The following LEF1 variants were observed in gnomAD, a reference collection of about 807,000 sequenced individuals.
LEF1 encodes the protein lymphoid enhancer binding factor 1.
Under a neutral mutation model 51.2 loss-of-function variants are expected in LEF1, and 14 were observed. That is an observed-to-expected ratio of 0.27 (90% confidence interval 0.18 to 0.43). The LOEUF is 0.43. Among genes scored for constraint, LEF1 ranks in the 20% least tolerant of loss-of-function variants. The pLI, the probability that LEF1 is intolerant of heterozygous loss-of-function variation, is 1.00. For synonymous variants in LEF1, 185 were observed against 183.2 expected, an observed-to-expected ratio of 1.01 and a Z score of -0.08; for missense variants, 386 against 512.0, an observed-to-expected ratio of 0.75 and a Z score of 2.37.
intron 8 of LEF1, chr4:108,071,853 C>G (rs1170446663): frequency 6.6e-6 from 1 of 152,494 alleles, no homozygotes; most frequent in Non-Finnish European, 1.5e-5. Context: ...CTCACCTGAG[C>G]ACATACACAT....
rs756658779 is a variant in LEF1, at chr4:108,167,644, T to G, written c.124A>C (p.Ser42Arg). Reference protein sequence around the residue: ...PQKEKIFAEISHPEEEGDLAD... With the variant: ...PQKEKIFAEIRHPEEEGDLAD... ...AAATCGCCTTCCTCTTCGGGATGAC[T>G]GATCTCGGCGAAGATCTTTTCCTTC... Residue 42 changes from serine to arginine, a missense_variant, in exon 1 of 12, where the codon AGT (serine) becomes CGT (arginine). Around this residue, in one of 2 missense-constraint regions of LEF1, gnomAD observed 335 missense variants for 390.7 expected, o/e 0.86. Coordinates refer to ENST00000265165, the MANE Select transcript of LEF1 (RefSeq NM_016269.5). This position sits in a 1 kb window ranked among gnomAD's most constrained non-coding sequence, Gnocchi z 5.7. 3 of 1,614,242 alleles carry G rather than the reference T, an allele frequency of 1.9e-6. No homozygotes were observed. The South Asian group carries it at 3.3e-5, about 18-fold the overall frequency.
chr4:108,113,475 C>G (rs1294733648), intron 3 of LEF1, among the ~76,000 whole-genome samples: 1 of 152,092 alleles, frequency 6.6e-6, no homozygotes. Flanking sequence ...AAACGGGGAC[C>G]AAAGTTAGGG....
intron 9 of LEF1, among the ~76,000 whole-genome samples, chr4:108,067,790 A>C (rs1056700088): frequency 2.6e-5 from 4 of 151,958 alleles, no homozygotes; most frequent in African/African-American, 9.7e-5. Flanking sequence ...TCAGCCTTCC[A>C]AAGTGCTAGG....
chr4:108,075,693 A>G (rs1738809779), intron 8 of LEF1, among the ~76,000 whole-genome samples: 1 of 152,238 alleles, frequency 6.6e-6, no homozygotes, highest in Non-Finnish European at 1.5e-5. Flanking sequence ...AGTACTTGGA[A>G]GGACTGACTA....
At chr4:108,163,440 T>C (rs776820973) in intron 3 of LEF1, 128 bp downstream of exon 3, 15 of 1,003,388 alleles carry the variant, frequency 1.5e-5, no homozygotes, top group Non-Finnish European at 2.2e-5. Flanking sequence ...ATAACAGCTC[T>C]TATTTAGCAA....
intron 3 of LEF1, among the ~76,000 whole-genome samples, chr4:108,101,038 T>C (rs1297170329): frequency 6.6e-6 from 1 of 152,176 alleles, no homozygotes; most frequent in East Asian, 1.9e-4. Flanking sequence ...TCTGTCTGGT[T>C]CCTTGCCTTG....
At chr4:108,105,310 A>G (rs1741094299) in intron 3 of LEF1, among the ~76,000 whole-genome samples, 1 of 151,350 alleles carries the variant, frequency 6.6e-6, no homozygotes, top group African/African-American at 2.4e-5. Flanking sequence ...CCTCCTGAGT[A>G]GCTGGGACTA....
chr4:108,079,773 T>G (rs59589123), intron 6 of LEF1, among the ~76,000 whole-genome samples, 159 bp from the exon 7 acceptor site: 1 of 152,144 alleles, frequency 6.6e-6, no homozygotes, highest in African/African-American at 2.4e-5. Flanking sequence ...CCGATAATTA[T>G]TTTTTTCTTT....
intron 5 of LEF1, 29 bp downstream of exon 5, chr4:108,083,327 C>T: frequency 6.9e-7 from 1 of 1,451,074 alleles, no homozygotes; most frequent in Non-Finnish European, 9.7e-7. Flanking sequence ...GTTCAAATGC[C>T]TGGCTGAAGG....
chr4:108,148,983 G>C (rs1329769565), intron 3 of LEF1, among the ~76,000 whole-genome samples: 1 of 152,170 alleles, frequency 6.6e-6, no homozygotes, highest in African/African-American at 2.4e-5. Flanking sequence ...TAAGTAGCAA[G>C]TTCTTTACAT....
At chr4:108,072,874 T>C (rs900043661) in intron 8 of LEF1, 5 of 152,252 alleles carry the variant, frequency 3.3e-5, no homozygotes, top group African/African-American at 4.8e-5. Flanking sequence ...AAAACCAAAC[T>C]GGATACAAAA....
At chr4:108,147,993 A>T (rs954439587) in intron 3 of LEF1, among the ~76,000 whole-genome samples, 1 of 152,240 alleles carries the variant, frequency 6.6e-6, no homozygotes, top group Non-Finnish European at 1.5e-5. Flanking sequence ...AATTGTAGTC[A>T]AATTTAACAA....
At chr4:108,091,447 G>T (rs1383489938) in intron 3 of LEF1, among the ~76,000 whole-genome samples, 2 of 16,798 alleles carry the variant, frequency 1.2e-4, no homozygotes, top group Non-Finnish European at 2.6e-4. Flanking sequence ...GAAACTTACG[G>T]GGGGGGGAAA....
At chr4:108,078,162 T>A in intron 8 of LEF1, 58 bp downstream of exon 8, 1 of 1,541,612 alleles carries the variant, frequency 6.5e-7, no homozygotes, top group Non-Finnish European at 8.9e-7. Flanking sequence ...TTGGGGCAGA[T>A]TTTCATGAAG....
chr4:108,051,318 G>A (rs1329260922), intron 11 of LEF1, among the ~76,000 whole-genome samples: 1 of 152,138 alleles, frequency 6.6e-6, no homozygotes, highest in Non-Finnish European at 1.5e-5. Flanking sequence ...TTTGTCCCTG[G>A]TGGCTCTTTT....
At chr4:108,080,080 T>C (rs545773394) in intron 6 of LEF1, among the ~76,000 whole-genome samples, 2 of 152,268 alleles carry the variant, frequency 1.3e-5, no homozygotes, top group Admixed American at 1.3e-4. Flanking sequence ...TCCATTAACA[T>C]CATCCAAAAT....
At chr4:108,111,170 C>T (rs1425042860) in intron 3 of LEF1, among the ~76,000 whole-genome samples, 2 of 152,052 alleles carry the variant, frequency 1.3e-5, no homozygotes, top group African/African-American at 4.8e-5. Flanking sequence ...CAAACAGAGC[C>T]CCTGTAAGGA....
intron 3 of LEF1, among the ~76,000 whole-genome samples, chr4:108,149,286 C>A (rs1289354008): frequency 6.7e-6 from 1 of 150,042 alleles, no homozygotes; most frequent in Non-Finnish European, 1.5e-5. Context: ...GGTGAAACCC[C>A]GCCTCTACTA....
chr4:108,093,761 GA>G (rs896190862), intron 3 of LEF1, among the ~76,000 whole-genome samples: 32 of 151,550 alleles, frequency 2.1e-4, no homozygotes, highest in Admixed American at 2.0e-3. Flanking sequence ...ACTTAAAAAA[GA>G]AAAAAAAGAA....
Sources: allele counts gnomAD v4.1 joint callset (sites outside exome capture counted in the v4.1 genomes callset), GRCh38; gene constraint gnomAD v4.1.1; regional missense constraint gnomAD v4.1.1; non-coding constraint Gnocchi (gnomAD v3.1); transcripts MANE v1.5; gene names NCBI Gene and HGNC (gene_info 2026-07-23, HGNC 2026-07-21).